CECR2: variants seen among roughly 807,000 people sequenced by gnomAD.
CECR2 encodes the protein chromatin remodeling regulator CECR2.
A neutral mutation model predicts 154.5 loss-of-function variants in CECR2; 30 were observed. That is an observed-to-expected ratio of 0.19 (90% CI 0.15 to 0.26). The LOEUF (loss-of-function observed/expected upper bound fraction) is 0.26. Ranked by LOEUF, CECR2 falls within the 10% of genes least tolerant of loss-of-function variation. The probability of loss-of-function intolerance (pLI) is 1.00; values close to 1 mark genes in which losing one functional copy is unlikely to be tolerated. For synonymous variants in CECR2, 725 were observed against 683.7 expected, an observed-to-expected ratio of 1.06 and a Z score of -0.94; for missense variants, 1,743 against 1,829.3, an observed-to-expected ratio of 0.95 and a Z score of 0.86.
chr22:17,544,092 T>C (rs959926103), intron 16 of CECR2, among the ~76,000 whole-genome samples: 1 of 152,162 alleles, frequency 6.6e-6, no homozygotes, highest in African/African-American at 2.4e-5. Flanking sequence ...GGCAGTAGTT[T>C]TGGTGGCTCA....
In CECR2 at chr22:17,461,149, G is replaced by A. The variant is rs76649904; in HGVS notation, c.127-16439G>A. Among the ~76,000 whole-genome samples, 205 of 152,284 alleles carry A rather than the reference G, an allele frequency of 1.3e-3. 1 individual carries two copies. The highest frequency in any genetic ancestry group is 4.7e-3 in the African/African-American group (194 of 41,564). On this transcript the variant is annotated intron_variant, in intron 1 of 18. Coordinates refer to ENST00000262608, the MANE Select transcript of CECR2 (RefSeq NM_001290047.2). Reference sequence around the variant, plus strand: ...CAGCTCTTATTTGTAGAAATGGGACGTTCTGTTTATTGTAGGTCCTAGTCA... The same window carrying A: ...CAGCTCTTATTTGTAGAAATGGGACATTCTGTTTATTGTAGGTCCTAGTCA...
intron 1 of CECR2, among the ~76,000 whole-genome samples, chr22:17,422,622 T>G (rs1380706747): frequency 6.6e-6 from 1 of 152,178 alleles, no homozygotes; most frequent in African/African-American, 2.4e-5. Flanking sequence ...CTTCCTTTCT[T>G]CTCCTCTTGG....
At chr22:17,364,853 C>A (rs1171477944), upstream of CECR2, among the ~76,000 whole-genome samples, 4 of 151,056 alleles carry the variant, frequency 2.6e-5, no homozygotes, top group Non-Finnish European at 5.9e-5. Flanking sequence ...AACAAACAAA[C>A]AAAAAAACAA....
At chr22:17,520,993 C>T (rs1172653426) in intron 8 of CECR2, among the ~76,000 whole-genome samples, 1 of 152,124 alleles carries the variant, frequency 6.6e-6, no homozygotes, top group Non-Finnish European at 1.5e-5. Context: ...ATTTCTAGTT[C>T]TAGATCCTTG....
chr22:17,408,896 C>T (rs891306561), intron 1 of CECR2, among the ~76,000 whole-genome samples: 13 of 152,298 alleles, frequency 8.5e-5, no homozygotes, highest in South Asian at 4.1e-4. Context: ...GTGGGGCCCA[C>T]GAAACTTTCT....
intron 1 of CECR2, among the ~76,000 whole-genome samples, chr22:17,448,943 G>A (rs886899553): frequency 2.0e-5 from 3 of 151,774 alleles, no homozygotes; most frequent in South Asian, 2.1e-4. Flanking sequence ...ACCGTGGCAC[G>A]GTCTGGCTCA....
chr22:17,450,335 A>G (rs1229621850), intron 1 of CECR2, among the ~76,000 whole-genome samples: 1 of 152,198 alleles, frequency 6.6e-6, no homozygotes, highest in Non-Finnish European at 1.5e-5. Context: ...CAGTGGCGCA[A>G]CATCGGCTCA....
At chr22:17,465,111 C>G (rs1251276946) in intron 1 of CECR2, among the ~76,000 whole-genome samples, 1 of 151,872 alleles carries the variant, frequency 6.6e-6, no homozygotes, top group Non-Finnish European at 1.5e-5. Context: ...ATTCTCCTGC[C>G]TCAGCCTCCC....
chr22:17,392,442 C>T (rs1398175785), intron 1 of CECR2, among the ~76,000 whole-genome samples: 3 of 151,978 alleles, frequency 2.0e-5, no homozygotes, highest in Admixed American at 6.6e-5. Context: ...GAGCCAAGAT[C>T]GTGCCATTGC....
chr22:17,504,511 A>C (rs928111796), intron 6 of CECR2, among the ~76,000 whole-genome samples: 1 of 151,670 alleles, frequency 6.6e-6, no homozygotes, highest in Non-Finnish European at 1.5e-5. Context: ...ATCTCGGCTC[A>C]CTGCAAGCTC....
intron 1 of CECR2, among the ~76,000 whole-genome samples, chr22:17,425,510 T>A (rs17808723): frequency 0.067 from 10,214 of 152,164 alleles, 930 homozygotes; most frequent in East Asian, 0.36. Flanking sequence ...TGGGCTCTGA[T>A]AGGAATAGGA....
Position 17,503,145 on chromosome 22 carries a change from C to T in CECR2, c.700+14C>T, listed in dbSNP as rs372415398. On this transcript the variant is annotated intron_variant, in intron 6 of 18. Transcript: ENST00000262608. ...AGACAAGACATGGTAATGTTCTTTA[C>T]TGGCATTTAGAAAGAATTAAATAAA... 4.4e-6 allele frequency: 7 copies of T among 1,606,736 alleles called. No individual in the cohort carries two copies. Among genetic ancestry groups the T allele is most frequent in the Non-Finnish European group, 5.1e-6 (6 of 1,175,162 alleles).
At chr22:17,392,024 A>T (rs151321116) in intron 1 of CECR2, among the ~76,000 whole-genome samples, 3,349 of 152,170 alleles carry the variant, frequency 0.022, 116 homozygotes, top group African/African-American at 0.077. Flanking sequence ...CTGGTCTCGA[A>T]CTCTCGAACT....
At chr22:17,472,707 C>G (rs572026925) in intron 1 of CECR2, among the ~76,000 whole-genome samples, 1 of 152,018 alleles carries the variant, frequency 6.6e-6, no homozygotes, top group Non-Finnish European at 1.5e-5. Flanking sequence ...ACCTCTTTAG[C>G]AAAAGATTAA....
rs1448207249 is a variant in CECR2 at position 17,409,817 on chromosome 22, A to G, written c.126+39908A>G. ...TACAGTACCTAGAATTGTCCTATACATAGTAGATGTACTCAATAAATATTT... is the reference window on the plus strand; with the variant it reads ...TACAGTACCTAGAATTGTCCTATACGTAGTAGATGTACTCAATAAATATTT... On this transcript the variant is annotated intron_variant, in intron 1 of 18. Transcript: ENST00000262608. Among the ~76,000 whole-genome samples the G allele has an allele frequency of 1.2e-4, 13 of 111,110 alleles. 3 individuals are homozygous for G. Among genetic ancestry groups the G allele is most frequent in the Non-Finnish European group, 1.5e-4 (7 of 46,724 alleles). The allele number at this position is 111,110 out of a possible 152,430, so 72.9% of individuals were successfully genotyped here.
At chr22:17,430,252 C>T (rs138179806) in intron 1 of CECR2, among the ~76,000 whole-genome samples, 1 of 152,282 alleles carries the variant, frequency 6.6e-6, no homozygotes, top group Non-Finnish European at 1.5e-5. Context: ...ATGAAAAATG[C>T]ACATAACCTA....
At chr22:17,372,200 A>G (rs1408870109) in intron 1 of CECR2, among the ~76,000 whole-genome samples, 1 of 152,178 alleles carries the variant, frequency 6.6e-6, no homozygotes, top group Non-Finnish European at 1.5e-5. Flanking sequence ...TTATTTGGAG[A>G]TGTTCAGTCA....
chr22:17,523,122 C>A (rs1022641630), intron 8 of CECR2, among the ~76,000 whole-genome samples: 7 of 151,886 alleles, frequency 4.6e-5, no homozygotes, highest in African/African-American at 1.5e-4. Flanking sequence ...GGTCTATCTC[C>A]CAGGTTGGAG....
intron 8 of CECR2, among the ~76,000 whole-genome samples, chr22:17,516,134 G>A (rs1024384805): frequency 3.3e-5 from 5 of 151,966 alleles, no homozygotes; most frequent in African/African-American, 9.7e-5. Flanking sequence ...ACCTGGCTCT[G>A]GAAGTCACTA....
Sources: allele counts gnomAD v4.1 joint callset (sites outside exome capture counted in the v4.1 genomes callset), GRCh38; gene constraint gnomAD v4.1.1; transcripts MANE v1.5; gene names NCBI Gene and HGNC (gene_info 2026-07-23, HGNC 2026-07-21).